The following COL11A1 variants were observed in gnomAD, a reference collection of about 807,000 sequenced individuals.
COL11A1 encodes collagen type XI alpha 1 chain.
In COL11A1, 74 loss-of-function variants were observed where a neutral mutation model predicts 265.2. The ratio of observed to expected loss-of-function variants is 0.28; its 90% CI spans 0.23 to 0.34. The LOEUF (loss-of-function observed/expected upper bound fraction) is 0.34, where lower values mean the gene tolerates loss of function less well. Ranked by LOEUF, COL11A1 falls within the 10% of genes least tolerant of loss-of-function variation. The pLI is 1.00. For missense variants in COL11A1, 2,165 were observed against 2,263.6 expected (o/e 0.96, Z 0.88); for synonymous variants, 816 against 727.6 (o/e 1.12, Z -1.96).
At chr1:103,001,458 C>A in intron 24 of COL11A1, 1 of 413,060 alleles carries the variant, frequency 2.4e-6, no homozygotes, top group Non-Finnish European at 4.3e-6. Context: ...TAGATTTATT[C>A]TTGTTTTGAT....
chr1:102,907,738 T>C (rs931838988), intron 54 of COL11A1, among the ~76,000 whole-genome samples: 2 of 20,326 alleles, frequency 9.8e-5, no homozygotes, highest in Non-Finnish European at 1.7e-4. Flanking sequence ...TATTAGATTT[T>C]GAGATTCATC....
chr1:102,904,304 A>T (rs1653612476), intron 54 of COL11A1, among the ~76,000 whole-genome samples: 1 of 152,352 alleles, frequency 6.6e-6, no homozygotes, highest in Non-Finnish European at 1.5e-5. Flanking sequence ...TATTCAGGAC[A>T]TAGGCATGGG....
At chr1:103,006,195 A>AAATAAATAAATAAATT (rs1665594740) in intron 16 of COL11A1, 67 bp downstream of exon 16, 1 of 1,334,832 alleles carries the variant, frequency 7.5e-7, no homozygotes, top group African/African-American at 1.5e-5. Context: ...ATAAATAAAT[A>AAATAAATAAATAAATT]AATAAATAAA....
intron 4 of COL11A1, among the ~76,000 whole-genome samples, chr1:103,058,430 T>C (rs1284940140): frequency 6.6e-6 from 1 of 152,212 alleles, no homozygotes; most frequent in African/African-American, 2.4e-5. Flanking sequence ...AGTAGTACTT[T>C]TAATTTCTTT....
At chr1:103,097,329 G>A (rs747182734) in intron 1 of COL11A1, among the ~76,000 whole-genome samples, 1 of 151,828 alleles carries the variant, frequency 6.6e-6, no homozygotes, top group Non-Finnish European at 1.5e-5. Context: ...CAGACATACT[G>A]CCATTTTTCA....
intron 1 of COL11A1, among the ~76,000 whole-genome samples, chr1:103,085,230 T>C (rs1672755258): frequency 6.6e-6 from 1 of 152,238 alleles, no homozygotes; most frequent in Non-Finnish European, 1.5e-5. Context: ...TTGATAACAA[T>C]TTGTATTCAT....
intron 4 of COL11A1, among the ~76,000 whole-genome samples, chr1:103,042,762 T>A (rs1668913135): frequency 1.3e-5 from 2 of 151,838 alleles, no homozygotes; most frequent in Admixed American, 1.3e-4. Context: ...AGGAAGGTAA[T>A]GCTAATTACT....
chr1:103,054,603 G>GA (rs144474640), intron 4 of COL11A1, among the ~76,000 whole-genome samples: 14,349 of 150,726 alleles, frequency 0.095, 802 homozygotes, highest in Non-Finnish European at 0.12. Flanking sequence ...CTAAAAAAAA[G>GA]AAAAAAAAAG....
chr1:102,894,054 C>T (rs183871453), intron 57 of COL11A1, among the ~76,000 whole-genome samples: 5 of 152,148 alleles, frequency 3.3e-5, no homozygotes, highest in African/African-American at 1.2e-4. Context: ...AATTTTTCAG[C>T]TGCATTAAAA....
At chr1:103,013,737 A>G (rs1666320894) in intron 13 of COL11A1, among the ~76,000 whole-genome samples, 1 of 151,878 alleles carries the variant, frequency 6.6e-6, no homozygotes, top group Non-Finnish European at 1.5e-5. Flanking sequence ...AGTGATTTAT[A>G]TTGGTTAGAA....
intron 1 of COL11A1, chr1:103,100,659 T>C (rs1318023528): frequency 6.6e-6 from 1 of 151,948 alleles, no homozygotes; most frequent in Non-Finnish European, 1.5e-5. Context: ...TGTACATTAA[T>C]ATTAGGCCCC....
chr1:102,888,621 C>T lies in COL11A1; in HGVS notation c.4564G>A (p.Gly1522Ser). 6.2e-7 allele frequency: 1 copy of T among 1,613,774 alleles called. No homozygotes were observed. Among genetic ancestry groups the T allele is most frequent in the Non-Finnish European group, 8.5e-7 (1 of 1,179,782 alleles). Residue 1522 changes from glycine (G) to serine (S), a missense_variant, in exon 62 of 67, where the codon GGC becomes AGC. Physicochemically the swap from Gly to Ser is moderately conservative, Grantham distance 56. Coordinates refer to ENST00000370096, the MANE Select transcript of COL11A1 (RefSeq NM_001854.4). ...GGAAGACCACTGTCACCTTTCTGGC[C>T]AGCGGGTCCCTGTTAGAAAGAAGAG... ...KGNKGSTGPAGQKGDSGLPGP... is the reference protein window; with the variant it reads ...KGNKGSTGPASQKGDSGLPGP...
intron 7 of COL11A1, among the ~76,000 whole-genome samples, chr1:103,024,139 T>G (rs1209551147): frequency 2.6e-5 from 4 of 152,174 alleles, no homozygotes; most frequent in African/African-American, 9.7e-5. Flanking sequence ...CTACTTTTTA[T>G]TTTTTGAGAT....
At chr1:103,071,698 C>A (rs538698614) in intron 4 of COL11A1, among the ~76,000 whole-genome samples, 34 of 151,160 alleles carry the variant, frequency 2.2e-4, no homozygotes, top group African/African-American at 7.5e-4. Flanking sequence ...ACAGAGGGAC[C>A]CACGAGGACT....
intron 15 of COL11A1, among the ~76,000 whole-genome samples, chr1:103,007,962 G>A (rs1010247647): frequency 8.6e-5 from 13 of 151,846 alleles, no homozygotes; most frequent in Admixed American, 2.0e-4. Context: ...GAAGGCATGG[G>A]CCAACAATAA....
At chr1:102,973,736 C>T (rs1386530716) in intron 36 of COL11A1, among the ~76,000 whole-genome samples, 1 of 152,076 alleles carries the variant, frequency 6.6e-6, no homozygotes, top group African/African-American at 2.4e-5. Context: ...CTTTCTATAA[C>T]CTTGTAATAC....
intron 1 of COL11A1, among the ~76,000 whole-genome samples, chr1:103,085,346 G>C (rs577154096): frequency 1.9e-4 from 29 of 152,250 alleles, no homozygotes; most frequent in African/African-American, 6.5e-4. Flanking sequence ...ACCAGTCCTG[G>C]ACAGGACACC....
chr1:102,967,360 C>A (rs978396879), intron 37 of COL11A1, among the ~76,000 whole-genome samples: 8 of 146,142 alleles, frequency 5.5e-5, no homozygotes, highest in African/African-American at 2.0e-4. Flanking sequence ...CCTGCTTCAG[C>A]CTCCAGAGTA....
intron 37 of COL11A1, among the ~76,000 whole-genome samples, chr1:102,967,224 A>ATTTTTT (rs1557882148): frequency 1.2e-3 from 50 of 41,226 alleles, no homozygotes; most frequent in South Asian, 8.0e-3. Flanking sequence ...AACATAATAA[A>ATTTTTT]TTCTTTTTTT....
Sources: allele counts gnomAD v4.1 joint callset (sites outside exome capture counted in the v4.1 genomes callset), GRCh38; gene constraint gnomAD v4.1.1; transcripts MANE v1.5; gene names NCBI Gene and HGNC (gene_info 2026-07-23, HGNC 2026-07-21).